TOX: variants seen among roughly 807,000 people sequenced by gnomAD.
The protein encoded by TOX is thymocyte selection associated high mobility group box.
TOX carries 11 observed loss-of-function variants against 53.7 expected under a neutral mutation model. The observed-to-expected ratio is 0.20, with a 90% CI of 0.13 to 0.34. The LOEUF (loss-of-function observed/expected upper bound fraction) is 0.34, where lower values mean the gene tolerates loss of function less well. Among genes scored for constraint, TOX ranks in the 10% least tolerant of loss-of-function variants. TOX has a pLI of 1.00. For missense variants in TOX, 570 were observed against 664.6 expected, an observed-to-expected ratio of 0.86 and a Z score of 1.56; for synonymous variants, 225 against 245.3, an observed-to-expected ratio of 0.92 and a Z score of 0.77.
intron 1 of TOX, among the ~76,000 whole-genome samples, chr8:59,095,096 A>G (rs1182138909): frequency 6.6e-6 from 1 of 152,224 alleles, no homozygotes; most frequent in Non-Finnish European, 1.5e-5. Flanking sequence ...TTATGTTCTA[A>G]GCATAAGGGA....
chr8:59,021,108 C>CAAA (rs35493437), intron 1 of TOX, among the ~76,000 whole-genome samples: 2,626 of 91,678 alleles, frequency 0.029, 152 homozygotes, highest in African/African-American at 0.039. Flanking sequence ...GACCCTGTCT[C>CAAA]AAAAAAAAAA....
At chr8:59,034,180 A>G (rs184047482) in intron 1 of TOX, among the ~76,000 whole-genome samples, 10 of 152,306 alleles carry the variant, frequency 6.6e-5, no homozygotes, top group African/African-American at 1.9e-4. Context: ...AGTTTGAGAG[A>G]TTGTATCTGT....
chr8:59,007,677 A>C (rs1333163209), intron 1 of TOX, among the ~76,000 whole-genome samples: 4 of 152,232 alleles, frequency 2.6e-5, no homozygotes, highest in Non-Finnish European at 5.9e-5. Context: ...GAAATAAAAA[A>C]ATACATAGGT....
intron 1 of TOX, among the ~76,000 whole-genome samples, chr8:59,019,136 G>A (rs750552398): frequency 1.3e-5 from 2 of 151,972 alleles, no homozygotes; most frequent in African/African-American, 4.8e-5. Context: ...ATTTACTTTC[G>A]TTAATACTCA....
chr8:59,000,895 T>C (rs2129418096), intron 1 of TOX, among the ~76,000 whole-genome samples: 1 of 152,290 alleles, frequency 6.6e-6, no homozygotes, highest in East Asian at 1.9e-4. Context: ...AAGAATTAAA[T>C]TTAAGCCAGG....
chr8:58,830,478 T>C (rs1810434913), intron 5 of TOX, among the ~76,000 whole-genome samples: 1 of 152,206 alleles, frequency 6.6e-6, no homozygotes, highest in African/African-American at 2.4e-5. Context: ...CACGTTTTCA[T>C]ACGCTTATAA....
chr8:58,891,213 C>T (rs907607171), intron 3 of TOX, among the ~76,000 whole-genome samples: 1 of 151,920 alleles, frequency 6.6e-6, no homozygotes, highest in Non-Finnish European at 1.5e-5. Context: ...GACCTAAACA[C>T]ATTTTTAGGT....
At chr8:58,902,357 A>G (rs1169293084) in intron 3 of TOX, among the ~76,000 whole-genome samples, 1 of 152,216 alleles carries the variant, frequency 6.6e-6, no homozygotes, top group Non-Finnish European at 1.5e-5. Context: ...CATCATCTGC[A>G]TGGTGATCCA....
At chr8:58,817,110 T>C (rs999184538) in intron 6 of TOX, among the ~76,000 whole-genome samples, 2 of 152,052 alleles carry the variant, frequency 1.3e-5, no homozygotes, top group Non-Finnish European at 2.9e-5. Flanking sequence ...TGCCAAACCA[T>C]GGAAACCTGG....
chr8:59,113,422 G>A (rs151272159), intron 1 of TOX, among the ~76,000 whole-genome samples: 3 of 152,148 alleles, frequency 2.0e-5, no homozygotes, highest in African/African-American at 4.8e-5. Flanking sequence ...TTCAGGTAGG[G>A]GGGATGGGGA....
chr8:58,948,372 T>C (rs1812560037), intron 2 of TOX, among the ~76,000 whole-genome samples: 1 of 152,206 alleles, frequency 6.6e-6, no homozygotes, highest in African/African-American at 2.4e-5. Context: ...GGGAAGGGAT[T>C]TGTCTCCTCT....
At chr8:59,023,886 A>G (rs549823605) in intron 1 of TOX, among the ~76,000 whole-genome samples, 3 of 152,120 alleles carry the variant, frequency 2.0e-5, no homozygotes, top group African/African-American at 7.2e-5. Flanking sequence ...CAGTGCTTGA[A>G]CTCCCCAAAG....
intron 1 of TOX, among the ~76,000 whole-genome samples, chr8:59,114,330 T>C (rs1805066246): frequency 6.6e-6 from 1 of 152,224 alleles, no homozygotes; most frequent in South Asian, 2.1e-4. Flanking sequence ...CTATAGCTCA[T>C]ACTTATAACT....
At chr8:59,002,698 T>TA (rs1813716121) in intron 1 of TOX, among the ~76,000 whole-genome samples, 2 of 152,124 alleles carry the variant, frequency 1.3e-5, no homozygotes, top group South Asian at 4.2e-4. Flanking sequence ...TGTCACTAGG[T>TA]AAAAAATAGT....
chr8:59,060,935 C>T (rs112911023), intron 1 of TOX, among the ~76,000 whole-genome samples: 4,554 of 152,184 alleles, frequency 0.03, 122 homozygotes, highest in Middle Eastern at 0.075. Flanking sequence ...TGAAGAACAA[C>T]GCTACTATTG....
chr8:58,848,955 G>C (rs1409593116), intron 4 of TOX, among the ~76,000 whole-genome samples: 3 of 152,064 alleles, frequency 2.0e-5, no homozygotes, highest in Non-Finnish European at 4.4e-5. Flanking sequence ...TCACTTGTTA[G>C]AAATGATTTA....
chr8:58,937,159 G>T (rs1163354433), intron 3 of TOX, among the ~76,000 whole-genome samples: 3 of 152,228 alleles, frequency 2.0e-5, no homozygotes, highest in African/African-American at 7.2e-5. Context: ...AGCTTGAGGG[G>T]TACTGGGAAG....
chr8:58,890,409 G>T (rs779892954), intron 3 of TOX, among the ~76,000 whole-genome samples: 1 of 152,090 alleles, frequency 6.6e-6, no homozygotes, highest in Non-Finnish European at 1.5e-5. Context: ...AGCAGAAGTC[G>T]GGAAAGTAGA....
intron 1 of TOX, among the ~76,000 whole-genome samples, chr8:58,986,517 G>A (rs1191301022): frequency 1.3e-5 from 2 of 152,122 alleles, no homozygotes; most frequent in African/African-American, 4.8e-5. Flanking sequence ...TTTAATTTAA[G>A]CTCAAAGAGC....
Sources: allele counts gnomAD v4.1 joint callset (sites outside exome capture counted in the v4.1 genomes callset), GRCh38; gene constraint gnomAD v4.1.1; transcripts MANE v1.5; gene names NCBI Gene and HGNC (gene_info 2026-07-23, HGNC 2026-07-21).